Variants in BOLL observed in about 807,000 individuals in gnomAD.
BOLL encodes boule RNA binding protein.
Under a neutral mutation model 44.4 loss-of-function variants are expected in BOLL, and 23 were observed. The ratio of observed to expected loss-of-function variants is 0.52; its 90% CI spans 0.37 to 0.73. The LOEUF is 0.73. BOLL is among the 30% of genes least tolerant of loss of function. BOLL has a pLI of 0.00. For missense variants in BOLL, 287 were observed against 338.3 expected (o/e 0.85, Z 1.19); for synonymous variants, 97 against 110.8 (o/e 0.88, Z 0.78).
chr2:197,762,529 A>T (rs557720745), intron 7 of BOLL, among the ~76,000 whole-genome samples: 18 of 152,108 alleles, frequency 1.2e-4, no homozygotes, highest in Non-Finnish European at 1.8e-4. Flanking sequence ...TCAAAAAATT[A>T]AAAAAAACTG....
intron 7 of BOLL, among the ~76,000 whole-genome samples, chr2:197,764,171 G>A (rs924500311): frequency 1.3e-5 from 2 of 152,136 alleles, no homozygotes; most frequent in Non-Finnish European, 2.9e-5. Context: ...ATATGATCTG[G>A]TAATCCCACT....
intron 7 of BOLL, among the ~76,000 whole-genome samples, chr2:197,760,649 ACT>A (rs1688715120): frequency 1.3e-5 from 2 of 151,842 alleles, no homozygotes; most frequent in South Asian, 4.2e-4. Context: ...ATTGTCATAG[ACT>A]CTCTTTTGCT....
At chr2:197,781,429 A>C (rs560558989) in intron 2 of BOLL, among the ~76,000 whole-genome samples, 109 of 152,282 alleles carry the variant, frequency 7.2e-4, no homozygotes, top group Non-Finnish European at 8.2e-4. Flanking sequence ...CTGGTATGGA[A>C]GAGTATGGAG....
chr2:197,781,885 T>C lies in BOLL; in HGVS notation c.-15-20A>G. 6.4e-7 allele frequency: 1 copy of C among 1,573,314 alleles called. No individual in the cohort carries two copies. Among genetic ancestry groups the C allele is most frequent in the South Asian group, 1.2e-5 (1 of 84,746 alleles). ...TGTTTGCTGTAAAATAAAATTCTTTTACACTTTTTGCACTGGGTATAATGC... is the reference window on the plus strand; with the variant it reads ...TGTTTGCTGTAAAATAAAATTCTTTCACACTTTTTGCACTGGGTATAATGC... On this transcript the variant is annotated intron_variant, in intron 1 of 10. Transcript: ENST00000392296.
At chr2:197,752,590 T>G (rs903615606) in intron 9 of BOLL, among the ~76,000 whole-genome samples, 5 of 152,060 alleles carry the variant, frequency 3.3e-5, no homozygotes, top group Non-Finnish European at 7.4e-5. Context: ...GGAATACAAC[T>G]TACAAGGGAT....
chr2:197,730,741 T>A, intron 10 of BOLL, among the ~76,000 whole-genome samples: 1 of 151,894 alleles, frequency 6.6e-6, no homozygotes, highest in African/African-American at 2.4e-5. Context: ...AGAAATAAAA[T>A]CTTTTACAGA....
intron 6 of BOLL, among the ~76,000 whole-genome samples, chr2:197,770,609 C>T (rs560340538): frequency 6.6e-6 from 1 of 152,164 alleles, no homozygotes; most frequent in South Asian, 2.1e-4. Flanking sequence ...TGACAAAGGG[C>T]TAATATCCAG....
chr2:197,766,285 T>TGTAAATA (rs1274253047), intron 7 of BOLL, among the ~76,000 whole-genome samples: 4 of 152,130 alleles, frequency 2.6e-5, no homozygotes, highest in African/African-American at 9.7e-5. Context: ...TAATTTACAC[T>TGTAAATA]CCAACCAACA....
At chr2:197,771,236 C>G (rs926644848) in intron 6 of BOLL, among the ~76,000 whole-genome samples, 1 of 151,322 alleles carries the variant, frequency 6.6e-6, no homozygotes, top group Non-Finnish European at 1.5e-5. Flanking sequence ...TCTGAGCAAG[C>G]TATTGCAAGG....
rs1706802158 is a variant in BOLL at position 197,785,028 on chromosome 2, C to G, written c.-16+28G>C. On this transcript the variant is annotated intron_variant, in intron 1 of 10. Coordinates refer to ENST00000392296, the MANE Select transcript of BOLL (RefSeq NM_033030.6). The surrounding 1 kb of genome is among the most constrained non-coding windows in gnomAD (Gnocchi z 6.7). ...CGAGATCTAGCATCTATTTTGCAAA[C>G]GAAGACAGCAGGAACGGGCGGGCTA... 4 of 985,908 alleles carry G rather than the reference C, an allele frequency of 4.1e-6. No individual in the cohort carries two copies. In the South Asian group the frequency reaches 1.9e-4, roughly 46 times the overall value. The allele number at this position is 985,908 out of a possible 1,614,324, so 61.1% of individuals were successfully genotyped here.
chr2:197,728,882 C>T (rs573155071), intron 10 of BOLL, among the ~76,000 whole-genome samples: 4 of 152,268 alleles, frequency 2.6e-5, no homozygotes, highest in African/African-American at 9.6e-5. Flanking sequence ...ACAACATTTC[C>T]TTCTATTAGG....
chr2:197,746,900 A>C, intron 9 of BOLL, among the ~76,000 whole-genome samples: 1 of 60,588 alleles, frequency 1.7e-5, no homozygotes, highest in East Asian at 2.9e-4. Flanking sequence ...CTCTGTCTCG[A>C]AAAAAAAAAA....
intron 9 of BOLL, among the ~76,000 whole-genome samples, chr2:197,744,599 A>G (rs1251864896): frequency 6.6e-6 from 1 of 152,162 alleles, no homozygotes; most frequent in East Asian, 1.9e-4. Context: ...AGAAATTCTG[A>G]ATGTAGACTA....
intron 10 of BOLL, among the ~76,000 whole-genome samples, chr2:197,734,966 T>TA (rs930443218): frequency 1.3e-5 from 2 of 151,412 alleles, no homozygotes; most frequent in Non-Finnish European, 2.9e-5. Context: ...ATAATAAAAT[T>TA]AAAAAAAAGA....
Position 197,727,475 on chromosome 2 carries a change from G to T in BOLL, c.*1080C>A, listed in dbSNP as rs1198524773. The T allele has an allele frequency of 1.3e-5, 2 of 152,182 alleles. No homozygotes were observed. The highest frequency in any genetic ancestry group is 4.8e-5 in the African/African-American group (2 of 41,398). 9.4% of individuals were successfully genotyped at this position (152,182 alleles called of 1,614,324 possible). A position where few individuals can be genotyped will look rare whatever the true frequency, so the allele number is the denominator to read the frequency against. On this transcript the variant is annotated 3_prime_UTR_variant, in exon 11 of 11. Transcript: ENST00000392296. ...TAGAGATTAAAAACCCCTATGATTT[G>T]TTCTGTACCTTTTGAACAATGAATG...
intron 10 of BOLL, among the ~76,000 whole-genome samples, chr2:197,728,867 G>A (rs1490550739): frequency 2.6e-5 from 4 of 152,162 alleles, no homozygotes; most frequent in African/African-American, 9.7e-5. Context: ...CACAGATTAC[G>A]AGTTACAACA....
chr2:197,780,229 C>T (rs1413914994), intron 2 of BOLL, among the ~76,000 whole-genome samples: 1 of 151,994 alleles, frequency 6.6e-6, no homozygotes, highest in Admixed American at 6.6e-5. Flanking sequence ...GAGGGATAGT[C>T]TGTTTGCTTA....
chr2:197,781,111 T>C lies in BOLL; in HGVS notation c.129+611A>G, dbSNP rs74387620. Reference sequence around the variant, plus strand: ...TTGGGGTTTGTTGTATAGATTATTTTGGCACCCAGGTACTAAGCCTAGTAC... The same window carrying C: ...TTGGGGTTTGTTGTATAGATTATTTCGGCACCCAGGTACTAAGCCTAGTAC... On this transcript the variant is annotated intron_variant, in intron 2 of 10. Transcript: ENST00000392296. Among the ~76,000 whole-genome samples the C allele has an allele frequency of 7.1e-3, 1,082 of 152,226 alleles. 22 individuals carry two copies. The highest frequency in any genetic ancestry group is 0.024 in the African/African-American group (1,014 of 41,558).
chr2:197,785,834 G>C (rs904685637), upstream of BOLL: 1 of 754,614 alleles, frequency 1.3e-6, no homozygotes, highest in African/African-American at 1.7e-5. The surrounding 1 kb of genome is among the most constrained non-coding windows in gnomAD (Gnocchi z 6.7). Flanking sequence ...CCTGGCAGCG[G>C]TCGATGGGGC....
Sources: allele counts gnomAD v4.1 joint callset (sites outside exome capture counted in the v4.1 genomes callset), GRCh38; gene constraint gnomAD v4.1.1; non-coding constraint Gnocchi (gnomAD v3.1); transcripts MANE v1.5; gene names NCBI Gene and HGNC (gene_info 2026-07-23, HGNC 2026-07-21).